Variants in IGSF21 observed in about 807,000 individuals in gnomAD.
The protein encoded by IGSF21 is immunoglobulin superfamily member 21.
A neutral mutation model predicts 46.8 loss-of-function variants in IGSF21; 28 were observed. The observed-to-expected ratio is 0.60, with a 90% CI of 0.44 to 0.82. The LOEUF (loss-of-function observed/expected upper bound fraction) is 0.82. Ranked by LOEUF, IGSF21 falls within the 40% of genes least tolerant of loss-of-function variation. The pLI, the probability that IGSF21 is intolerant of heterozygous loss-of-function variation, is 0.00. For missense variants in IGSF21, 624 were observed against 665.5 expected (o/e 0.94, Z 0.69); for synonymous variants, 284 against 273.6 (o/e 1.04, Z -0.38).
At chr1:18,220,654 G>T (rs748254213) in intron 1 of IGSF21, among the ~76,000 whole-genome samples, 12 of 152,112 alleles carry the variant, frequency 7.9e-5, no homozygotes, top group African/African-American at 2.7e-4. Flanking sequence ...AGCAGTAGGA[G>T]CAGGAGAGGC....
chr1:18,177,392 G>GGTGTGTGTGT (rs3041401), intron 1 of IGSF21, among the ~76,000 whole-genome samples: 59 of 125,064 alleles, frequency 4.7e-4, no homozygotes, highest in East Asian at 2.8e-3. Flanking sequence ...GGGTCAGTGA[G>GGTGTGTGTGT]GTGTGTGTGT....
chr1:18,363,852 G>C (rs2124631761), intron 5 of IGSF21, among the ~76,000 whole-genome samples: 1 of 151,642 alleles, frequency 6.6e-6, no homozygotes, highest in African/African-American at 2.4e-5. Context: ...CAGGTGGGGT[G>C]GTGGGCAGGG....
In IGSF21 at chr1:18,252,444, A is replaced by G. The variant is rs151295242; in HGVS notation, c.183+24434A>G. 1.4e-3 allele frequency among the ~76,000 whole-genome samples: 220 copies of G among 152,344 alleles called. 1 individual carries two copies. The highest frequency in any genetic ancestry group is 4.4e-3 in the African/African-American group (184 of 41,578). On this transcript the variant is annotated intron_variant, in intron 2 of 9. Coordinates refer to ENST00000251296, the MANE Select transcript of IGSF21 (RefSeq NM_032880.5). ...GTCTTCCTTCTGCATTTTAACAGGT[A>G]GAAAGAGTGAGTGCTTCAGAGGTGG...
chr1:18,321,798 G>A (rs187494054), intron 3 of IGSF21, among the ~76,000 whole-genome samples: 19 of 152,298 alleles, frequency 1.2e-4, no homozygotes, highest in Non-Finnish European at 2.2e-4. Context: ...CATTTGGACC[G>A]TAGCAGGTAT....
chr1:18,372,846 A>ATGGATGGATGGATGGG (rs2086241660), intron 6 of IGSF21, among the ~76,000 whole-genome samples: 2 of 96,192 alleles, frequency 2.1e-5, no homozygotes, highest in Non-Finnish European at 4.0e-5. Context: ...GGATGGATGG[A>ATGGATGGATGGATGGG]TGGATGGATG....
At chr1:18,307,994 C>T (rs2085443366) in intron 3 of IGSF21, among the ~76,000 whole-genome samples, 1 of 152,138 alleles carries the variant, frequency 6.6e-6, no homozygotes, top group Admixed American at 6.6e-5. Flanking sequence ...AAAAGGTCAT[C>T]GCATCATAGA....
chr1:18,259,261 C>T (rs1215255699), intron 2 of IGSF21, among the ~76,000 whole-genome samples: 1 of 152,122 alleles, frequency 6.6e-6, no homozygotes, highest in Admixed American at 6.5e-5. Flanking sequence ...CTTTCTGATG[C>T]TGAATGGGGC....
At chr1:18,201,496 C>G (rs2087074093) in intron 1 of IGSF21, among the ~76,000 whole-genome samples, 1 of 152,178 alleles carries the variant, frequency 6.6e-6, no homozygotes, top group Admixed American at 6.5e-5. Flanking sequence ...AGTCTATCAT[C>G]CAGAAATTCC....
At chr1:18,208,281 A>G (rs2084352635) in intron 1 of IGSF21, among the ~76,000 whole-genome samples, 1 of 149,972 alleles carries the variant, frequency 6.7e-6, no homozygotes, top group South Asian at 2.1e-4. Flanking sequence ...CTGGGAAGGA[A>G]TGTGCTGGGA....
chr1:18,182,642 C>T (rs1045433170), intron 1 of IGSF21, among the ~76,000 whole-genome samples: 1 of 152,148 alleles, frequency 6.6e-6, no homozygotes, highest in African/African-American at 2.4e-5. Context: ...GTCTCTGTCA[C>T]CACTGTTGAA....
intron 1 of IGSF21, among the ~76,000 whole-genome samples, chr1:18,131,863 T>C (rs1349029210): frequency 6.6e-6 from 1 of 152,150 alleles, no homozygotes; most frequent in Non-Finnish European, 1.5e-5. Context: ...CAAAGGTCAC[T>C]GGCCACACTT....
rs887146589 is a variant in IGSF21 at position 18,304,722 on chromosome 1, C to T, written c.305+12735C>T. 3.3e-3 allele frequency among the ~76,000 whole-genome samples: 362 copies of T among 111,244 alleles called. 2 individuals are homozygous for T. The highest frequency in any genetic ancestry group is 4.7e-3 in the Middle Eastern group (1 of 214). The allele number at this position is 111,244 out of a possible 152,430, so 73.0% of individuals were successfully genotyped here. On this transcript the variant is annotated intron_variant, in intron 3 of 9. Transcript: ENST00000251296. ...ACACACACACATACACACACACACA[C>T]ACACACATACACACACACACACACA...
chr1:18,266,804 T>G (rs2084993760), intron 2 of IGSF21, among the ~76,000 whole-genome samples: 1 of 152,176 alleles, frequency 6.6e-6, no homozygotes, highest in African/African-American at 2.4e-5. Context: ...ATTCACTACG[T>G]GACACAGGGG....
At chr1:18,308,707 G>A (rs553450530) in intron 3 of IGSF21, among the ~76,000 whole-genome samples, 2 of 152,154 alleles carry the variant, frequency 1.3e-5, no homozygotes, top group South Asian at 4.1e-4. Context: ...CCTCCCCCAG[G>A]AGACTCAGAC....
chr1:18,266,156 A>G (rs1016687982), intron 2 of IGSF21, among the ~76,000 whole-genome samples: 1 of 152,156 alleles, frequency 6.6e-6, no homozygotes, highest in Non-Finnish European at 1.5e-5. Context: ...AGTACCTTAC[A>G]TGAACTATCT....
chr1:18,274,044 T>TGGTCCA (rs1339833051), intron 2 of IGSF21, among the ~76,000 whole-genome samples: 1 of 152,200 alleles, frequency 6.6e-6, no homozygotes, highest in Non-Finnish European at 1.5e-5. Flanking sequence ...GGGGCTCACA[T>TGGTCCA]GGTCCAGTTA....
chr1:18,302,081 C>A (rs933240609), intron 3 of IGSF21, among the ~76,000 whole-genome samples: 1 of 152,166 alleles, frequency 6.6e-6, no homozygotes, highest in Non-Finnish European at 1.5e-5. Context: ...CTGCCTCCCC[C>A]ATACCGGCAT....
In IGSF21 at chr1:18,208,236, C is replaced by T. The variant is rs79085808; in HGVS notation, c.71-19662C>T. Among the ~76,000 whole-genome samples the T allele has an allele frequency of 2.4e-3, 359 of 151,354 alleles. 2 individuals are homozygous for T. Among genetic ancestry groups the T allele is most frequent in the African/African-American group, 8.0e-3 (330 of 41,320 alleles). On this transcript the variant is annotated intron_variant, in intron 1 of 9. Coordinates refer to ENST00000251296, the MANE Select transcript of IGSF21 (RefSeq NM_032880.5). ...CAACCTTCACCTTCTTCATAACCCA[C>T]CTGATCTCCTTGCCCAGAGCAGAAT...
chr1:18,198,556 G>A lies in IGSF21; in HGVS notation c.71-29342G>A, dbSNP rs529540476. ...TAGCCAGACCTTAAAAAATACAGAC[G>A]GTCTCCAGATGAGTCTGTGATGTTA... On this transcript the variant is annotated intron_variant, in intron 1 of 9. Coordinates refer to ENST00000251296, the MANE Select transcript of IGSF21 (RefSeq NM_032880.5). Among the ~76,000 whole-genome samples the A allele has an allele frequency of 7.9e-5, 12 of 152,312 alleles. 1 individual carries two copies. The South Asian group carries it at 1.7e-3, about 21-fold the overall frequency.
Sources: allele counts gnomAD v4.1 joint callset (sites outside exome capture counted in the v4.1 genomes callset), GRCh38; gene constraint gnomAD v4.1.1; transcripts MANE v1.5; gene names NCBI Gene and HGNC (gene_info 2026-07-23, HGNC 2026-07-21).